Variants in MYO18B observed in about 807,000 individuals in gnomAD.
MYO18B encodes the protein myosin XVIIIB, also known as unconventional myosin-XVIIIb.
MYO18B carries 204 observed loss-of-function variants against 273.0 expected under a neutral mutation model. That is an observed-to-expected ratio of 0.75 (90% CI 0.67 to 0.84). The LOEUF (loss-of-function observed/expected upper bound fraction) is 0.84. Ranked by LOEUF, MYO18B falls within the 40% of genes least tolerant of loss-of-function variation. The pLI, the probability that MYO18B is intolerant of heterozygous loss-of-function variation, is 0.00. For synonymous variants in MYO18B, 1,330 were observed against 1,305.7 expected (o/e 1.02, Z -0.40); for missense variants, 3,212 against 3,287.6 (o/e 0.98, Z 0.56).
intron 12 of MYO18B, among the ~76,000 whole-genome samples, chr22:25,820,044 A>G (rs374733830): frequency 0.5 from 3 of 6 alleles, no homozygotes; most frequent in African/African-American, 0.5. Context: ...TAAGTGAATT[A>G]GATCACACCA....
the MYO18B span, among the ~76,000 whole-genome samples, chr22:26,036,592 C>T: frequency 6.6e-6 from 1 of 152,174 alleles, no homozygotes; most frequent in Non-Finnish European, 1.5e-5. Context: ...TTGTAGGATT[C>T]ACTGGAATGG....
At chr22:26,061,698 G>T in the MYO18B span, among the ~76,000 whole-genome samples, 44 of 149,412 alleles carry the variant, frequency 2.9e-4, no homozygotes, top group Non-Finnish European at 5.0e-4. Context: ...ACCGAGAAAG[G>T]TCATTCTTCT....
At chr22:25,912,630 T>G (rs1282342966) in intron 33 of MYO18B, among the ~76,000 whole-genome samples, 1 of 152,196 alleles carries the variant, frequency 6.6e-6, no homozygotes, top group Non-Finnish European at 1.5e-5. Flanking sequence ...ATGTAATCGG[T>G]GTTTATGAAC....
chr22:25,911,769 A>G (rs1163355973), intron 33 of MYO18B, among the ~76,000 whole-genome samples: 2 of 152,092 alleles, frequency 1.3e-5, no homozygotes, highest in Non-Finnish European at 2.9e-5. Flanking sequence ...AAAAAAATCA[A>G]CTTCCCTCAC....
chr22:25,894,593 T>C (rs2146299338), intron 27 of MYO18B: 1 of 152,418 alleles, frequency 6.6e-6, no homozygotes, highest in Middle Eastern at 3.4e-3. Flanking sequence ...AACAGTTTAG[T>C]AGAGTCTTGA....
Position 25,763,289 on chromosome 22 carries a change from T to A in MYO18B, c.98T>A (p.Ile33Asn). The A allele has an allele frequency of 6.2e-7, 1 of 1,613,004 alleles. No homozygotes were observed. Among genetic ancestry groups the A allele is most frequent in the Non-Finnish European group, 8.5e-7 (1 of 1,179,616 alleles). Residue 33 changes from isoleucine to asparagine, a missense_variant, in exon 3 of 44, where the codon ATC (isoleucine) becomes AAC (asparagine). Coordinates refer to ENST00000335473, the MANE Select transcript of MYO18B (RefSeq NM_032608.7). ...PSSPPPLFSV[I>N]PGGFIKQLVR... The stretch of plus-strand genomic sequence containing the variant: ...TCGCCCCCTCCTCTTTTCTCTGTCA[T>A]CCCAGGGGGCTTCATTAAGCAACTG...
intron 21 of MYO18B, among the ~76,000 whole-genome samples, chr22:25,866,549 C>T (rs1601401270): frequency 6.6e-6 from 1 of 151,884 alleles, no homozygotes; most frequent in African/African-American, 2.4e-5. Context: ...GTGTATAGAA[C>T]AGTACTATAG....
chr22:25,818,504 A>G (rs922771918), intron 12 of MYO18B, among the ~76,000 whole-genome samples: 1 of 152,198 alleles, frequency 6.6e-6, no homozygotes, highest in African/African-American at 2.4e-5. Context: ...GAGATGAGGC[A>G]TGGAAAGCCT....
intron 22 of MYO18B, 24 bp from the exon 23 acceptor site, chr22:25,874,262 A>T (rs762105811): frequency 2.4e-5 from 39 of 1,613,200 alleles, no homozygotes; most frequent in Non-Finnish European, 3.2e-5. Context: ...CAGAGGACTC[A>T]CCTGAAACCT....
chr22:25,932,759 A>C (rs1324012454), intron 34 of MYO18B, among the ~76,000 whole-genome samples: 1 of 152,172 alleles, frequency 6.6e-6, no homozygotes, highest in Non-Finnish European at 1.5e-5. Context: ...CCAAAAGCCA[A>C]GTCCAGCCAA....
rs79949483 is a variant in MYO18B, at chr22:25,908,751, C to T, written c.5259+319C>T. On this transcript the variant is annotated intron_variant, in intron 32 of 43. Transcript: ENST00000335473. ...CAATAATAGAACCAATTCTTTCTTACTATTTTCTTTACAAGTCAAATCATT... is the reference window on the plus strand; with the variant it reads ...CAATAATAGAACCAATTCTTTCTTATTATTTTCTTTACAAGTCAAATCATT... 9.7e-3 allele frequency among the ~76,000 whole-genome samples: 1,473 copies of T among 152,320 alleles called. 26 individuals carry two copies. Among genetic ancestry groups the T allele is most frequent in the African/African-American group, 0.033 (1,369 of 41,568 alleles).
At chr22:25,930,132 G>A (rs1411806871) in intron 34 of MYO18B, among the ~76,000 whole-genome samples, 4 of 152,110 alleles carry the variant, frequency 2.6e-5, no homozygotes, top group African/African-American at 9.7e-5. Flanking sequence ...CTCTTTGCCT[G>A]ATAAGCATCT....
chr22:25,801,555 G>C (rs988802482), intron 12 of MYO18B, among the ~76,000 whole-genome samples: 7 of 152,136 alleles, frequency 4.6e-5, no homozygotes, highest in Non-Finnish European at 1.0e-4. Context: ...GTGGTACACA[G>C]GACTTGGCTC....
rs1387037350 is a variant in MYO18B, at chr22:25,908,399, A to C, written c.5226A>C (p.Glu1742Asp). 4.4e-6 allele frequency: 7 copies of C among 1,600,238 alleles called. No individual in the cohort carries two copies. Among genetic ancestry groups the C allele is most frequent in the Non-Finnish European group, 6.0e-6 (7 of 1,173,692 alleles). Residue 1742 changes from glutamate (E) to aspartate (D), a missense_variant, in exon 32 of 44, where the codon GAA (glutamate) becomes GAC (aspartate). Transcript: ENST00000335473. ...HQKDREDQEE[E>D]LEDVRQSCQK... is the part of the protein sequence containing the mutation. Reference sequence around the variant, plus strand: ...AGGACCGTGAGGACCAGGAGGAGGAACTGGAGGATGTCCGTCAGTCCTGCC... The same window carrying C: ...AGGACCGTGAGGACCAGGAGGAGGACCTGGAGGATGTCCGTCAGTCCTGCC...
intron 1 of MYO18B, among the ~76,000 whole-genome samples, chr22:25,759,677 A>G (rs1224991186): frequency 6.6e-6 from 1 of 152,254 alleles, no homozygotes; most frequent in East Asian, 1.9e-4. Context: ...ATAAAAATAA[A>G]GTTACAACTT....
chr22:25,909,458 A>C (rs1454395939), intron 32 of MYO18B, among the ~76,000 whole-genome samples: 1 of 152,242 alleles, frequency 6.6e-6, no homozygotes, highest in African/African-American at 2.4e-5. Context: ...GAAATTTCTG[A>C]AACGAACTTG....
rs10483123 is a variant in MYO18B at position 25,909,340 on chromosome 22, T to C, written c.5259+908T>C. Among the ~76,000 whole-genome samples the C allele has an allele frequency of 3.6e-3, 548 of 152,354 alleles. 7 individuals carry two copies. The South Asian group carries it at 0.039, about 11-fold the overall frequency. ...ACACTCAATTTTGCCTTGCTTGATA[T>C]ATAGTTTTGTTATTTTGTGTGTTTT... is the stretch of plus-strand genomic sequence containing the variant. On this transcript the variant is annotated intron_variant, in intron 32 of 43. Coordinates refer to ENST00000335473, the MANE Select transcript of MYO18B (RefSeq NM_032608.7).
intron 34 of MYO18B, among the ~76,000 whole-genome samples, chr22:25,923,332 TGGGTCCTG>T (rs1393746390): frequency 6.6e-6 from 1 of 152,238 alleles, no homozygotes; most frequent in South Asian, 2.1e-4. Context: ...CTGCCAGTCC[TGGGTCCTG>T]GGCAAGCCAG....
intron 34 of MYO18B, among the ~76,000 whole-genome samples, chr22:25,940,860 G>A (rs2146552240): frequency 6.6e-6 from 1 of 152,332 alleles, no homozygotes; most frequent in East Asian, 1.9e-4. Flanking sequence ...AGTATGGGGA[G>A]GACTTGGAAT....
Sources: allele counts gnomAD v4.1 joint callset (sites outside exome capture counted in the v4.1 genomes callset), GRCh38; gene constraint gnomAD v4.1.1; transcripts MANE v1.5; gene names NCBI Gene and HGNC (gene_info 2026-07-23, HGNC 2026-07-21).